Variants in REPS2 observed in about 807,000 individuals in gnomAD.
REPS2 encodes the protein RALBP1 associated Eps domain containing 2.
REPS2 carries 23 observed loss-of-function variants against 53.6 expected under a neutral mutation model. The ratio of observed to expected loss-of-function variants is 0.43; its 90% CI spans 0.31 to 0.61. The LOEUF (loss-of-function observed/expected upper bound fraction) is 0.61, where lower values mean the gene tolerates loss of function less well. Ranked by LOEUF, REPS2 falls within the 20% of genes least tolerant of loss-of-function variation. The pLI is 0.11. For synonymous variants in REPS2, 238 were observed against 218.6 expected (o/e 1.09, Z -0.78); for missense variants, 446 against 534.9 (o/e 0.83, Z 1.64).
chrX:17,186,366 T>C, the REPS2 span, among the ~76,000 whole-genome samples: 5 of 112,563 alleles, frequency 4.4e-5, no homozygotes, highest in African/African-American at 1.6e-4. Context: ...TTCAAATGTG[T>C]GGACATTCTG....
intron 14 of REPS2, among the ~76,000 whole-genome samples, chrX:17,116,500 C>T (rs114394068): frequency 0.019 from 2,138 of 111,726 alleles, 49 homozygotes; most frequent in African/African-American, 0.067. Context: ...ATGTGAGCAC[C>T]GCACCTTGTC....
At chrX:17,047,088 A>AT (rs910068662) in intron 5 of REPS2, among the ~76,000 whole-genome samples, 1 of 111,919 alleles carries the variant, frequency 8.9e-6, no homozygotes, top group African/African-American at 3.2e-5. Flanking sequence ...ACAATTAGAA[A>AT]TTTTTTTGTC....
intron 17 of REPS2, among the ~76,000 whole-genome samples, chrX:17,140,705 G>A (rs1005120419): frequency 9.3e-6 from 1 of 107,307 alleles, no homozygotes; most frequent in Admixed American, 1.0e-4. Flanking sequence ...TTCTTATGAT[G>A]TAAAATGTTT....
intron 13 of REPS2, among the ~76,000 whole-genome samples, chrX:17,098,484 C>T (rs192423642): frequency 1.8e-5 from 2 of 111,644 alleles, no homozygotes; most frequent in Admixed American, 1.9e-4. Context: ...TAACACATGC[C>T]TAAAAAGATT....
In REPS2 at chrX:16,967,986, C is replaced by T. The variant is rs746090282; in HGVS notation, c.273+20852C>T. On this transcript the variant is annotated intron_variant, in intron 1 of 17. Coordinates refer to ENST00000357277, the MANE Select transcript of REPS2 (RefSeq NM_004726.3). Reference sequence around the variant, plus strand: ...TGGTTTTCCTAGGCAGAGGACTCTGCGGCCTTCCGCAGTGTTTGTGTCCCT... The same window carrying T: ...TGGTTTTCCTAGGCAGAGGACTCTGTGGCCTTCCGCAGTGTTTGTGTCCCT... 6.4e-3 allele frequency among the ~76,000 whole-genome samples: 710 copies of T among 110,700 alleles called. 7 individuals are homozygous for T. The highest frequency in any genetic ancestry group is 0.021 in the African/African-American group (645 of 30,335).
At chrX:17,174,037 TA>T in the REPS2 span, among the ~76,000 whole-genome samples, 894 of 101,603 alleles carry the variant, frequency 8.8e-3, 10 homozygotes, top group African/African-American at 0.028. Context: ...TCAAATGAAT[TA>T]AAAAAAAAAA....
chrX:17,061,171 G>C (rs1372722454), intron 8 of REPS2, among the ~76,000 whole-genome samples: 1 of 112,281 alleles, frequency 8.9e-6, no homozygotes, highest in East Asian at 2.8e-4. Flanking sequence ...GTAAGCAAAT[G>C]AACAAATTAA....
chrX:16,958,862 G>A (rs929633288), intron 1 of REPS2, among the ~76,000 whole-genome samples: 1 of 111,900 alleles, frequency 8.9e-6, no homozygotes, highest in African/African-American at 3.2e-5. Context: ...CACAGGCTAT[G>A]AGCAGGAGTG....
At chrX:17,175,359 AT>A in the REPS2 span, among the ~76,000 whole-genome samples, 19 of 112,699 alleles carry the variant, frequency 1.7e-4, no homozygotes, top group East Asian at 8.4e-4. Flanking sequence ...GGTTATCTCC[AT>A]TTTACAGATA....
chrX:17,051,881 C>G (rs1054106568), intron 6 of REPS2, among the ~76,000 whole-genome samples: 2 of 111,877 alleles, frequency 1.8e-5, no homozygotes, highest in South Asian at 7.4e-4. Flanking sequence ...AGAAAGATTC[C>G]TGGATAAGTT....
intron 2 of REPS2, among the ~76,000 whole-genome samples, chrX:17,019,287 G>A (rs2061539732): frequency 8.9e-6 from 1 of 112,144 alleles, no homozygotes; most frequent in Admixed American, 9.5e-5. Flanking sequence ...AACCTAAGAT[G>A]AAACAACAAT....
the REPS2 span, among the ~76,000 whole-genome samples, chrX:17,171,679 C>T: frequency 1.8e-5 from 2 of 110,148 alleles, no homozygotes; most frequent in Non-Finnish European, 3.8e-5. Context: ...ACCACCACAC[C>T]TGGCTAATTT....
At chrX:17,173,860 A>T in the REPS2 span, among the ~76,000 whole-genome samples, 1 of 111,503 alleles carries the variant, frequency 9.0e-6, no homozygotes, top group Non-Finnish European at 1.9e-5. Context: ...TAAAAAGTTC[A>T]CATATTTTAG....
chrX:17,056,693 T>A (rs940177812), intron 8 of REPS2, among the ~76,000 whole-genome samples: 17 of 100,631 alleles, frequency 1.7e-4, no homozygotes, highest in Non-Finnish European at 3.4e-4. Flanking sequence ...AGACTCTGTC[T>A]AAAAAAAAAA....
intron 13 of REPS2, among the ~76,000 whole-genome samples, chrX:17,083,710 T>C (rs1242210944): frequency 4.5e-5 from 5 of 111,400 alleles, no homozygotes; most frequent in African/African-American, 1.6e-4. Context: ...CAAAAGCAGC[T>C]CTGACCTTAT....
chrX:17,153,992 T>G (rs993663514), downstream of REPS2, among the ~76,000 whole-genome samples: 3 of 111,291 alleles, frequency 2.7e-5, no homozygotes, highest in African/African-American at 9.8e-5. Flanking sequence ...ATCAGCAATA[T>G]CAGCATCATC....
chrX:17,122,508 G>A (rs1354630850), intron 14 of REPS2, among the ~76,000 whole-genome samples: 1 of 112,255 alleles, frequency 8.9e-6, no homozygotes, highest in Non-Finnish European at 1.9e-5. Context: ...TCGTATCCAA[G>A]TTGTTGAGTG....
intron 5 of REPS2, among the ~76,000 whole-genome samples, chrX:17,038,622 A>G (rs1429171428): frequency 8.9e-6 from 1 of 112,493 alleles, no homozygotes; most frequent in African/African-American, 3.2e-5. Flanking sequence ...CCTAAGTCCT[A>G]TTTGGAATTC....
At chrX:17,147,252 G>A (rs1025657982) in intron 17 of REPS2, among the ~76,000 whole-genome samples, 161 bp from the exon 18 acceptor site, 1 of 111,803 alleles carries the variant, frequency 8.9e-6, no homozygotes. Context: ...CTGGTCACCA[G>A]CATTAAATCT....
Sources: gnomAD v4.1 joint callset for allele counts (sites outside exome capture counted in the v4.1 genomes callset) on GRCh38, gnomAD v4.1.1 for gene constraint, MANE v1.5 for transcripts, NCBI Gene and HGNC (gene_info 2026-07-23, HGNC 2026-07-21) for gene names.